MRC2: variants seen among roughly 807,000 people sequenced by gnomAD.
MRC2 encodes mannose receptor C-type 2, also known as C-type mannose receptor 2.
MRC2 carries 84 observed loss-of-function variants against 206.2 expected under a neutral mutation model. The ratio of observed to expected loss-of-function variants is 0.41; its 90% CI spans 0.34 to 0.49. MRC2 has a LOEUF of 0.49. Ranked by LOEUF, MRC2 falls within the 20% of genes least tolerant of loss-of-function variation. The probability of loss-of-function intolerance (pLI) is 0.31; values close to 1 mark genes in which losing one functional copy is unlikely to be tolerated. For missense variants in MRC2, 1,676 were observed against 2,001.5 expected (o/e 0.84, Z 3.10); for synonymous variants, 798 against 800.0 (o/e 1.00, Z 0.04).
In MRC2 at chr17:62,680,501, G is replaced by C. The variant is rs752100922; in HGVS notation, c.2473+48G>C. 3 of 1,610,258 alleles carry C rather than the reference G, an allele frequency of 1.9e-6. No individual in the cohort carries two copies. Among genetic ancestry groups the C allele is most frequent in the Admixed American group, 3.3e-5 (2 of 59,872 alleles). The stretch of plus-strand genomic sequence containing the variant: ...CGCTACCCATCGCGTGGGAGAGGGC[G>C]TCAACTCTGGGGTAAGTCCCGAGAG... On this transcript the variant is annotated intron_variant, in intron 16 of 29. Coordinates refer to ENST00000303375, the MANE Select transcript of MRC2 (RefSeq NM_006039.5). The surrounding 1 kb of genome is among the most constrained non-coding windows in gnomAD (Gnocchi z 4.8).
rs550380680 is a variant in MRC2, at chr17:62,629,520, C to T, written c.118+1600C>T. On this transcript the variant is annotated intron_variant, in intron 1 of 29. Transcript: ENST00000303375. ...CCCTTCCCGTTGGCACTGCATTGAC[C>T]ACACCCTGAGGAGGCTTGGATCTGG... is the stretch of plus-strand genomic sequence containing the variant. Among the ~76,000 whole-genome samples the T allele has an allele frequency of 7.9e-5, 12 of 152,298 alleles. 1 individual carries two copies. The South Asian group carries it at 2.3e-3, about 29-fold the overall frequency.
In MRC2 at chr17:62,671,052, A is replaced by G. The variant is rs1379632332; in HGVS notation, c.1118-597A>G. 6.6e-6 allele frequency among the ~76,000 whole-genome samples: 1 copy of G among 152,084 alleles called. No homozygotes were observed. The highest frequency in any genetic ancestry group is 2.4e-5 in the African/African-American group (1 of 41,398). ...TTCATGGGGCTGGTTTGTCCTTTCT[A>G]CCCATCGTTTATTGACTGATTGATT... On this transcript the variant is annotated intron_variant, in intron 6 of 29. Coordinates refer to ENST00000303375, the MANE Select transcript of MRC2 (RefSeq NM_006039.5). This position sits in a 1 kb window ranked among gnomAD's most constrained non-coding sequence, Gnocchi z 4.5.
Position 62,689,729 on chromosome 17 carries a change from C to T in MRC2, c.3542C>T (p.Thr1181Met), listed in dbSNP as rs771756598. The T allele has an allele frequency of 1.9e-5, 29 of 1,562,016 alleles. No homozygotes were observed. The highest frequency in any genetic ancestry group is 5.6e-5 in the Admixed American group (3 of 53,288). The part of the protein sequence containing the change: ...FLTQAARGLR[T>M]PLWIGLAGEE... Reference sequence around the variant, plus strand: ...ACGCAGGCTGCCCGAGGGCTGCGCACGCCGCTCTGGATTGGGCTGGCTGGC... The same window carrying T: ...ACGCAGGCTGCCCGAGGGCTGCGCATGCCGCTCTGGATTGGGCTGGCTGGC... The change falls in exon 24 of 30, where the codon ACG becomes ATG. Residue 1181 changes from threonine (T) to methionine (M), a missense_variant. Transcript: ENST00000303375.
chr17:62,662,585 C>A (rs906576291), intron 1 of MRC2, among the ~76,000 whole-genome samples: 1 of 152,120 alleles, frequency 6.6e-6, no homozygotes. Flanking sequence ...GCACTTTGCC[C>A]AAGTCCCATA....
chr17:62,690,516 A>C, intron 26 of MRC2, 126 bp from the exon 27 acceptor site: 2 of 1,437,662 alleles, frequency 1.4e-6, no homozygotes, highest in Non-Finnish European at 1.9e-6. Context: ...ACACACACAC[A>C]CATGAATCCA....
At chr17:62,650,379 G>A (rs2088541868) in intron 1 of MRC2, among the ~76,000 whole-genome samples, 1 of 152,234 alleles carries the variant, frequency 6.6e-6, no homozygotes, top group Admixed American at 6.5e-5. Flanking sequence ...GTGGGCAGCT[G>A]CACCAGCTCT....
chr17:62,657,744 G>A (rs965216680), intron 1 of MRC2, among the ~76,000 whole-genome samples: 1 of 152,130 alleles, frequency 6.6e-6, no homozygotes, highest in African/African-American at 2.4e-5. Flanking sequence ...TGAAGCACGG[G>A]TACAAAGAAC....
Position 62,664,453 on chromosome 17 carries a change from C to G in MRC2, c.119-95C>G, listed in dbSNP as rs1382267709. The G allele has an allele frequency of 1.5e-6, 2 of 1,352,238 alleles. No individual in the cohort carries two copies. Among genetic ancestry groups the G allele is most frequent in the African/African-American group, 2.9e-5 (2 of 69,074 alleles). The allele number at this position is 1,352,238 out of a possible 1,614,324, so 83.8% of individuals were successfully genotyped here. A position where few individuals can be genotyped will look rare whatever the true frequency, so the allele number is the denominator to read the frequency against. On this transcript the variant is annotated intron_variant, in intron 1 of 29. Transcript: ENST00000303375. The surrounding 1 kb of genome is among the most constrained non-coding windows in gnomAD (Gnocchi z 4.7). ...ATGAGTGACGGCTCACCATCCTGCA[C>G]TGGGCACATGGTAGGTGCCTGTCAG...
At chr17:62,643,599 A>G (rs181074379) in intron 1 of MRC2, among the ~76,000 whole-genome samples, 1 of 152,382 alleles carries the variant, frequency 6.6e-6, no homozygotes, top group East Asian at 1.9e-4. Flanking sequence ...CAAAATAGAT[A>G]AGACTATAAA....
Position 62,689,559 on chromosome 17 carries a change from C to T in MRC2, c.3372C>T (p.Pro1124=), listed in dbSNP as rs1287889402. The change falls in exon 24 of 30, where the codon CCC becomes CCT. Residue 1124 remains proline, a synonymous_variant. Coordinates refer to ENST00000303375, the MANE Select transcript of MRC2 (RefSeq NM_006039.5). Reference sequence around the variant, plus strand: ...GCCCGTCCCCAGCAGCGCTGCCCCCCGCCCCGGGCACTGAGCTCTCCTACC... The same window carrying T: ...GCCCGTCCCCAGCAGCGCTGCCCCCTGCCCCGGGCACTGAGCTCTCCTACC... ...SLSPSPAALP[P]APGTELSYLN... 17 of 1,596,414 alleles carry T rather than the reference C, an allele frequency of 1.1e-5. No homozygotes were observed. Among genetic ancestry groups the T allele is most frequent in the South Asian group, 4.5e-5 (4 of 88,184 alleles).
intron 1 of MRC2, among the ~76,000 whole-genome samples, chr17:62,638,169 G>C (rs191288365): frequency 2.0e-5 from 3 of 152,152 alleles, no homozygotes; most frequent in Non-Finnish European, 4.4e-5. Flanking sequence ...CTGGCATTTG[G>C]TATTATTTAG....
chr17:62,650,083 C>T (rs537756088), intron 1 of MRC2, among the ~76,000 whole-genome samples: 24 of 152,120 alleles, frequency 1.6e-4, no homozygotes, highest in African/African-American at 5.8e-4. Flanking sequence ...TTAGTAGAGA[C>T]GGTGTCTCAC....
chr17:62,639,035 T>C (rs915524408), intron 1 of MRC2, among the ~76,000 whole-genome samples: 1 of 152,206 alleles, frequency 6.6e-6, no homozygotes, highest in African/African-American at 2.4e-5. Context: ...AGCTGTCACA[T>C]AGAAAGTGCA....
rs1260884809 is a variant in MRC2, at chr17:62,652,978, G to A, written c.119-11570G>A. 6.6e-6 allele frequency among the ~76,000 whole-genome samples: 1 copy of A among 152,082 alleles called. No homozygotes were observed. The highest frequency in any genetic ancestry group is 1.5e-5 in the Non-Finnish European group (1 of 68,000). On this transcript the variant is annotated intron_variant, in intron 1 of 29. Coordinates refer to ENST00000303375, the MANE Select transcript of MRC2 (RefSeq NM_006039.5). The surrounding 1 kb of genome is among the most constrained non-coding windows in gnomAD (Gnocchi z 4.6). ...ACTCCAAGAGCAGGTGGATCTGGGA[G>A]CCCCAGATCCTGGGCACTGGGTTGG... is the stretch of plus-strand genomic sequence containing the variant.
In MRC2 at chr17:62,649,883, CT is replaced by C. The variant is rs75809311; in HGVS notation, c.119-14653del. Among the ~76,000 whole-genome samples, 536 of 141,526 alleles carry C rather than the reference CT, an allele frequency of 3.8e-3. 3 individuals carry two copies. Among genetic ancestry groups the C allele is most frequent in the Admixed American group, 5.4e-3 (76 of 14,032 alleles). 92.8% of individuals were successfully genotyped at this position (141,526 alleles called of 152,430 possible). The stretch of plus-strand genomic sequence containing the variant: ...AAATAGATACAGCCTTCTTGTCATT[CT>C]TTTTTTTTTTTAATTTTTTTTAAAA... On this transcript the variant is annotated intron_variant, in intron 1 of 29. Coordinates refer to ENST00000303375, the MANE Select transcript of MRC2 (RefSeq NM_006039.5).
intron 1 of MRC2, among the ~76,000 whole-genome samples, chr17:62,631,771 ATAAG>A (rs1302301319): frequency 6.6e-6 from 1 of 152,142 alleles, no homozygotes; most frequent in Non-Finnish European, 1.5e-5. Context: ...GAAGGCATTG[ATAAG>A]TGAGTGACTC....
Position 62,674,122 on chromosome 17 carries a change from A to G in MRC2, c.1521A>G (p.Ala507=), listed in dbSNP as rs1431575929. 6.4e-7 allele frequency: 1 copy of G among 1,555,808 alleles called. No individual in the cohort carries two copies. The highest frequency in any genetic ancestry group is 8.7e-7 in the Non-Finnish European group (1 of 1,149,454). The change falls in exon 9 of 30, where the codon GCA becomes GCG. Residue 507 remains alanine, a synonymous_variant. Transcript: ENST00000303375. ...CCTTGCCATCCATCTGCAAGAAGGC[A>G]GGCCAGCTGAGCCAGGGGGCCGCCG... is the stretch of plus-strand genomic sequence containing the variant. The part of the protein sequence containing the change: ...NQSLPSICKK[A]GQLSQGAAEE...
chr17:62,657,293 C>T (rs569209143), intron 1 of MRC2, among the ~76,000 whole-genome samples: 2 of 152,326 alleles, frequency 1.3e-5, no homozygotes, highest in Admixed American at 1.3e-4. Context: ...TCACAATACC[C>T]TCAGTGCCTG....
In MRC2 at chr17:62,677,458, C is replaced by T. The variant is rs766723148; in HGVS notation, c.2024C>T (p.Ser675Leu). 32 of 1,606,882 alleles carry T rather than the reference C, an allele frequency of 2.0e-5. No individual in the cohort carries two copies. The highest frequency in any genetic ancestry group is 4.4e-5 in the South Asian group (4 of 90,688). The change falls in exon 12 of 30, where the codon TCG (serine) becomes TTG (leucine). Residue 675 changes from serine to leucine, a missense_variant. Physicochemically the swap from Ser to Leu is moderately radical, Grantham distance 145 (BLOSUM62 -2). Transcript: ENST00000303375. ...GGCTCCTGTCCCCAGGGCTGGGCCT[C>T]GGACACCAAACTCCGGTATTGCTAT... Reference protein sequence around the residue: ...LTGSCPQGWASDTKLRYCYKV... With the variant: ...LTGSCPQGWALDTKLRYCYKV...
Sources: allele counts gnomAD v4.1 joint callset (sites outside exome capture counted in the v4.1 genomes callset), GRCh38; gene constraint gnomAD v4.1.1; non-coding constraint Gnocchi (gnomAD v3.1); transcripts MANE v1.5; gene names NCBI Gene and HGNC (gene_info 2026-07-23, HGNC 2026-07-21).